Variants in LRP1B observed in about 807,000 individuals in gnomAD.
LRP1B encodes the protein LDL receptor related protein 1B.
LRP1B carries 217 observed loss-of-function variants against 556.6 expected under a neutral mutation model. That is an observed-to-expected ratio of 0.39 (90% confidence interval 0.35 to 0.44). The LOEUF is 0.44. Ranked by LOEUF, LRP1B falls within the 20% of genes least tolerant of loss-of-function variation. The pLI, the probability that LRP1B is intolerant of heterozygous loss-of-function variation, is 1.00. For synonymous variants in LRP1B, 2,047 were observed against 1,865.8 expected, an observed-to-expected ratio of 1.10 and a Z score of -2.50; for missense variants, 5,053 against 5,620.8, an observed-to-expected ratio of 0.90 and a Z score of 3.23.
chr2:141,292,062 T>C (rs1361507307), intron 3 of LRP1B, among the ~76,000 whole-genome samples: 1 of 152,088 alleles, frequency 6.6e-6, no homozygotes, highest in Admixed American at 6.6e-5. Context: ...ATGGGTGAGG[T>C]AGCATTACTG....
intron 2 of LRP1B, among the ~76,000 whole-genome samples, chr2:141,690,396 A>AATAAATAAAAATAT (rs5834858): frequency 3.3e-4 from 9 of 26,934 alleles, no homozygotes; most frequent in African/African-American, 1.0e-3. Flanking sequence ...TACATCTATA[A>AATAAATAAAAATAT]ATATATATAT....
At chr2:140,243,500 A>G (rs1681036760) in intron 87 of LRP1B, among the ~76,000 whole-genome samples, 1 of 151,284 alleles carries the variant, frequency 6.6e-6, no homozygotes, top group African/African-American at 2.4e-5. Flanking sequence ...ACTGCCTTTG[A>G]CATGTTGCTC....
At chr2:141,392,983 C>A (rs539743301) in intron 3 of LRP1B, among the ~76,000 whole-genome samples, 3 of 152,204 alleles carry the variant, frequency 2.0e-5, no homozygotes, top group Middle Eastern at 6.8e-3. Flanking sequence ...TCTTTCAGCG[C>A]ACTGTGAGCC....
At chr2:140,616,274 A>C (rs1683253438) in intron 41 of LRP1B, among the ~76,000 whole-genome samples, 1 of 152,028 alleles carries the variant, frequency 6.6e-6, no homozygotes, top group Admixed American at 6.6e-5. Flanking sequence ...ACAATGCTTT[A>C]GGACAGAATT....
chr2:141,972,877 A>AT (rs974218383), intron 1 of LRP1B, among the ~76,000 whole-genome samples: 1 of 151,634 alleles, frequency 6.6e-6, no homozygotes, highest in East Asian at 1.9e-4. Context: ...AACAAGTTGT[A>AT]TTTTTTTCTA....
intron 3 of LRP1B, among the ~76,000 whole-genome samples, chr2:141,339,458 C>A (rs1687975012): frequency 1.3e-5 from 2 of 152,136 alleles, no homozygotes; most frequent in South Asian, 4.1e-4. Flanking sequence ...CTTGGCTTTA[C>A]CATATGCTAG....
At chr2:142,115,385 A>T (rs1236685392) in intron 1 of LRP1B, among the ~76,000 whole-genome samples, 4 of 145,616 alleles carry the variant, frequency 2.7e-5, no homozygotes, top group Non-Finnish European at 4.5e-5. Context: ...GAACAATTTG[A>T]GTGAGAAAAT....
intron 1 of LRP1B, among the ~76,000 whole-genome samples, chr2:142,012,809 GA>G (rs1702996985): frequency 6.6e-6 from 1 of 152,138 alleles, no homozygotes. Flanking sequence ...AAAATCAGTA[GA>G]GTTTCTACTA....
intron 27 of LRP1B, among the ~76,000 whole-genome samples, chr2:140,861,949 G>A (rs954243344): frequency 7.9e-5 from 12 of 152,154 alleles, no homozygotes; most frequent in Admixed American, 7.9e-4. Flanking sequence ...CCCTTTTTCT[G>A]AGCATTCTTC....
chr2:140,233,998 C>CAT (rs1364782139), intron 90 of LRP1B, among the ~76,000 whole-genome samples: 6 of 151,412 alleles, frequency 4.0e-5, no homozygotes, highest in African/African-American at 1.4e-4. Flanking sequence ...AAAACATATA[C>CAT]ATACAATGTT....
chr2:141,324,960 C>T (rs557950453), intron 3 of LRP1B, among the ~76,000 whole-genome samples: 98 of 152,080 alleles, frequency 6.4e-4, no homozygotes, highest in African/African-American at 2.3e-3. Flanking sequence ...GGTATTGTTT[C>T]TCCTTTTCCA....
At chr2:140,789,580 C>T (rs1044702200) in intron 32 of LRP1B, among the ~76,000 whole-genome samples, 1 of 149,676 alleles carries the variant, frequency 6.7e-6, no homozygotes, top group Non-Finnish European at 1.5e-5. Flanking sequence ...TCTAGCTATA[C>T]CAGCTGAGGC....
chr2:141,843,140 T>A (rs1697535337), intron 1 of LRP1B, among the ~76,000 whole-genome samples: 1 of 152,154 alleles, frequency 6.6e-6, no homozygotes, highest in Non-Finnish European at 1.5e-5. Flanking sequence ...CTTCTGTTCT[T>A]TTTTGTTTCT....
intron 1 of LRP1B, among the ~76,000 whole-genome samples, chr2:141,932,086 A>G (rs970753271): frequency 6.6e-6 from 1 of 152,040 alleles, no homozygotes; most frequent in Non-Finnish European, 1.5e-5. Flanking sequence ...GAGAAAAGAT[A>G]AATTTACCTC....
At position 140,700,593 on chromosome 2, in the gene LRP1B, A is replaced by T; in HGVS notation, c.6456T>A (p.Gly2152=). Residue 2152 remains glycine, a synonymous_variant, in exon 41 of 91, where the codon GGT becomes GGA. Coordinates refer to ENST00000389484, the MANE Select transcript of LRP1B (RefSeq NM_018557.3). ...GATAAAGACAGAGTTGCTTACAGCC[A>T]CCATTGTCCCTGGCACAAACATTGG... ...KGTNVCARDN[G]GCKQLCLYRG... 1 of 1,613,534 alleles carries T rather than the reference A, an allele frequency of 6.2e-7. No homozygotes were observed. Among genetic ancestry groups the T allele is most frequent in the Non-Finnish European group, 8.5e-7 (1 of 1,179,608 alleles).
intron 27 of LRP1B, among the ~76,000 whole-genome samples, chr2:140,862,757 G>A (rs1692835596): frequency 6.6e-6 from 1 of 152,192 alleles, no homozygotes; most frequent in African/African-American, 2.4e-5. Context: ...TTCTGGGTGT[G>A]TTTCTGGAAG....
At chr2:140,684,374 A>G (rs1451852068) in intron 41 of LRP1B, among the ~76,000 whole-genome samples, 1 of 152,190 alleles carries the variant, frequency 6.6e-6, no homozygotes, top group Non-Finnish European at 1.5e-5. Flanking sequence ...ATTTGTCTGT[A>G]TTATTTATCA....
At chr2:141,050,436 C>G (rs113352676) in intron 10 of LRP1B, among the ~76,000 whole-genome samples, 1 of 151,832 alleles carries the variant, frequency 6.6e-6, no homozygotes, top group Non-Finnish European at 1.5e-5. Flanking sequence ...ACCTATCAAC[C>G]GGTCATCTAG....
At chr2:141,370,439 G>T (rs1689189457) in intron 3 of LRP1B, among the ~76,000 whole-genome samples, 1 of 152,058 alleles carries the variant, frequency 6.6e-6, no homozygotes, top group Non-Finnish European at 1.5e-5. Context: ...TTGGCCATTT[G>T]TTTGTCTTCT....
Sources: allele counts gnomAD v4.1 joint callset (sites outside exome capture counted in the v4.1 genomes callset), GRCh38; gene constraint gnomAD v4.1.1; transcripts MANE v1.5; gene names NCBI Gene and HGNC (gene_info 2026-07-23, HGNC 2026-07-21).